XIRP2: variants seen among roughly 807,000 people sequenced by gnomAD.
XIRP2 encodes the protein xin actin-binding repeat-containing protein 2.
A neutral mutation model predicts 277.0 loss-of-function variants in XIRP2; 236 were observed. That is an observed-to-expected ratio of 0.85 (90% CI 0.77 to 0.95). The LOEUF is 0.95. Ranked by LOEUF, XIRP2 falls within the 40% of genes least tolerant of loss-of-function variation. XIRP2 has a pLI of 0.00. For synonymous variants in XIRP2, 1,490 were observed against 1,416.5 expected (o/e 1.05, Z -1.17); for missense variants, 4,640 against 4,157.5 (o/e 1.12, Z -3.19).
At position 166,916,554 on chromosome 2, in the gene XIRP2, A is replaced by G. The variant is rs144259956; in HGVS notation, c.408+12664A>G. Among the ~76,000 whole-genome samples, 228 of 152,362 alleles carry G rather than the reference A, an allele frequency of 1.5e-3. 1 individual carries two copies. The highest frequency in any genetic ancestry group is 5.2e-3 in the African/African-American group (215 of 41,582). The stretch of plus-strand genomic sequence containing the variant: ...TTAAAATGCAGCTTAATATTAGTAT[A>G]GAGAAAAATAAAAAATAAGGATTAT... On this transcript the variant is annotated intron_variant, in intron 2 of 10. Coordinates refer to ENST00000409195, the MANE Select transcript of XIRP2 (RefSeq NM_152381.6).
chr2:167,107,713 T>G lies in XIRP2; in HGVS notation c.409-28196T>G, dbSNP rs76980893. On this transcript the variant is annotated intron_variant, in intron 2 of 10. Coordinates refer to ENST00000409195, the MANE Select transcript of XIRP2 (RefSeq NM_152381.6). ...TGTTGATTTGTTTTGGTACTGTTTT[T>G]GTCTGATTTTGGTATCAATGGAATA... is the stretch of plus-strand genomic sequence containing the variant. Among the ~76,000 whole-genome samples, 496 of 151,858 alleles carry G rather than the reference T, an allele frequency of 3.3e-3. 24 individuals are homozygous for G. The East Asian group carries it at 0.084, about 26-fold the overall frequency.
At chr2:167,156,954 A>G (rs1325347163) in intron 3 of XIRP2, among the ~76,000 whole-genome samples, 1 of 152,172 alleles carries the variant, frequency 6.6e-6, no homozygotes, top group Non-Finnish European at 1.5e-5. Flanking sequence ...AGCCCCATTG[A>G]ACTTTGATTT....
At chr2:166,985,975 A>G (rs1355854539) in intron 2 of XIRP2, among the ~76,000 whole-genome samples, 1 of 152,200 alleles carries the variant, frequency 6.6e-6, no homozygotes, top group African/African-American at 2.4e-5. Context: ...AGAGAAGCAT[A>G]CTGATGGAAC....
chr2:167,255,267 A>G (rs891958430), intron 10 of XIRP2, among the ~76,000 whole-genome samples: 1 of 151,870 alleles, frequency 6.6e-6, no homozygotes, highest in African/African-American at 2.4e-5. Flanking sequence ...TCAGATGCTT[A>G]TATCTCAATG....
chr2:167,111,329 T>TTA (rs1000176593), intron 2 of XIRP2, among the ~76,000 whole-genome samples: 4 of 152,166 alleles, frequency 2.6e-5, no homozygotes, highest in Non-Finnish European at 5.9e-5. Flanking sequence ...ATGGCTCTTA[T>TTA]TATTTTGAAG....
chr2:167,063,648 A>G (rs887168350), intron 2 of XIRP2, among the ~76,000 whole-genome samples: 2 of 151,848 alleles, frequency 1.3e-5, no homozygotes, highest in Admixed American at 1.3e-4. Context: ...TTATCTTTTG[A>G]TAAACTGACA....
intron 1 of XIRP2, among the ~76,000 whole-genome samples, chr2:166,897,563 T>C (rs892607064): frequency 6.6e-6 from 1 of 152,052 alleles, no homozygotes; most frequent in Non-Finnish European, 1.5e-5. Context: ...TAAGTTAATA[T>C]AAAGAATTAA....
chr2:167,001,478 C>T (rs1274201801), intron 2 of XIRP2, among the ~76,000 whole-genome samples: 1 of 152,108 alleles, frequency 6.6e-6, no homozygotes, highest in African/African-American at 2.4e-5. Flanking sequence ...TTTCTATACA[C>T]AGTAAATCTT....
chr2:167,061,850 A>G (rs1017487654), intron 2 of XIRP2, among the ~76,000 whole-genome samples: 1 of 152,072 alleles, frequency 6.6e-6, no homozygotes, highest in African/African-American at 2.4e-5. Context: ...TATGAGCCTG[A>G]TGACAACTTG....
intron 2 of XIRP2, among the ~76,000 whole-genome samples, chr2:167,026,102 A>T (rs1301085294): frequency 3.9e-5 from 6 of 152,126 alleles, no homozygotes; most frequent in African/African-American, 1.4e-4. Context: ...GTCTCTTTGA[A>T]GGTCACTCAG....
intron 2 of XIRP2, among the ~76,000 whole-genome samples, chr2:166,973,795 A>G (rs1222657648): frequency 2.0e-5 from 3 of 152,226 alleles, no homozygotes; most frequent in East Asian, 1.9e-4. Context: ...ATAAAGACAT[A>G]TATTCATTTC....
intron 1 of XIRP2, among the ~76,000 whole-genome samples, chr2:166,894,774 A>C (rs541962550): frequency 6.6e-6 from 1 of 152,188 alleles, no homozygotes; most frequent in East Asian, 1.9e-4. Context: ...CCAACATAGA[A>C]TTTTCAAGTT....
At chr2:167,208,098 G>A (rs918027157) in intron 3 of XIRP2, among the ~76,000 whole-genome samples, 2 of 152,058 alleles carry the variant, frequency 1.3e-5, no homozygotes, top group Non-Finnish European at 2.9e-5. Flanking sequence ...TTCGGATTTT[G>A]GATTACTCGT....
rs747731105 is a variant in XIRP2, at chr2:167,251,870, G to T, written c.10478G>T (p.Gly3493Val). 6.2e-7 allele frequency: 1 copy of T among 1,609,642 alleles called. No homozygotes were observed. The highest frequency in any genetic ancestry group is 8.5e-7 in the Non-Finnish European group (1 of 1,178,354). ...CAAGAGAGTGGAAGAGTTTTTAAAGGCCTGGGATATGCAACCGCAGATGCT... is the reference window on the plus strand; with the variant it reads ...CAAGAGAGTGGAAGAGTTTTTAAAGTCCTGGGATATGCAACCGCAGATGCT... Reference protein sequence around the residue: ...TWQESGRVFKGLGYATADASA... With the variant: ...TWQESGRVFKVLGYATADASA... The change falls in exon 9 of 11, where the codon GGC becomes GTC. Residue 3493 changes from glycine (G) to valine (V), a missense_variant. By Grantham distance (109) the Gly-to-Val change is moderately radical (BLOSUM62 -3). Coordinates refer to ENST00000409195, the MANE Select transcript of XIRP2 (RefSeq NM_152381.6).
At chr2:167,180,253 T>C (rs1298920744) in intron 3 of XIRP2, among the ~76,000 whole-genome samples, 3 of 152,094 alleles carry the variant, frequency 2.0e-5, no homozygotes, top group African/African-American at 7.2e-5. Flanking sequence ...CCTCAAAAAC[T>C]TTTTCTTTCC....
intron 2 of XIRP2, among the ~76,000 whole-genome samples, chr2:166,994,486 A>T: frequency 1.0e-5 from 1 of 99,678 alleles, no homozygotes; most frequent in African/African-American, 4.0e-5. Context: ...ATAAAAAAAA[A>T]AAAATTAAAA....
At chr2:167,022,760 C>T (rs927540369) in intron 2 of XIRP2, among the ~76,000 whole-genome samples, 4 of 152,106 alleles carry the variant, frequency 2.6e-5, no homozygotes, top group African/African-American at 4.8e-5. Context: ...TCATCCATGT[C>T]CCTACAAAGG....
At chr2:167,150,448 G>C (rs1369380797) in intron 3 of XIRP2, among the ~76,000 whole-genome samples, 1 of 151,584 alleles carries the variant, frequency 6.6e-6, no homozygotes, top group Non-Finnish European at 1.5e-5. Flanking sequence ...ATCAATGATG[G>C]AGGATATTTA....
chr2:167,084,629 G>C (rs1689866870), intron 2 of XIRP2, among the ~76,000 whole-genome samples: 1 of 151,760 alleles, frequency 6.6e-6, no homozygotes, highest in Admixed American at 6.6e-5. Context: ...TCCTGTTATT[G>C]GTCTATTCAG....
Sources: gnomAD v4.1 joint callset for allele counts (sites outside exome capture counted in the v4.1 genomes callset) on GRCh38, gnomAD v4.1.1 for gene constraint, MANE v1.5 for transcripts, NCBI Gene and HGNC (gene_info 2026-07-23, HGNC 2026-07-21) for gene names.